RAI1: variants seen among roughly 807,000 people sequenced by gnomAD.
RAI1 encodes retinoic acid-induced protein 1.
Under a neutral mutation model 123.8 loss-of-function variants are expected in RAI1, and 9 were observed. The observed-to-expected ratio is 0.07, with a 90% confidence interval of 0.04 to 0.13. RAI1 has a LOEUF of 0.13. Among genes scored for constraint, RAI1 ranks in the 10% least tolerant of loss-of-function variants. The pLI is 1.00. For missense variants in RAI1, 2,256 were observed against 2,545.8 expected, an observed-to-expected ratio of 0.89 and a Z score of 2.45; for synonymous variants, 1,231 against 1,127.3, an observed-to-expected ratio of 1.09 and a Z score of -1.84.
chr17:17,714,506 G>A lies in RAI1; in HGVS notation c.-148-9522G>A, dbSNP rs188848086. Among the ~76,000 whole-genome samples, 4 of 152,306 alleles carry A rather than the reference G, an allele frequency of 2.6e-5. No individual in the cohort carries two copies. Among genetic ancestry groups the A allele is most frequent in the East Asian group, 1.9e-4 (1 of 5,184 alleles). ...GATAATCATCAGTGCTAACATTTAC[G>A]GAGGGCTTGTGGCGTGGCCAACTCT... On this transcript the variant is annotated intron_variant, in intron 1 of 5. Transcript: ENST00000353383. This position sits in a 1 kb window ranked among gnomAD's most constrained non-coding sequence, Gnocchi z 4.9.
intron 3 of RAI1, chr17:17,802,028 C>G (rs1226989421): frequency 6.4e-6 from 3 of 469,654 alleles, no homozygotes; most frequent in Non-Finnish European, 1.3e-5. Context: ...CTACCTCACC[C>G]CCCGCCCCCA....
chr17:17,735,353 C>CTT (rs554442849), intron 2 of RAI1, among the ~76,000 whole-genome samples: 96 of 132,442 alleles, frequency 7.2e-4, no homozygotes, highest in African/African-American at 2.4e-3. Flanking sequence ...AATGCCCAGC[C>CTT]TTTTTTTTTT....
At chr17:17,698,532 G>T (rs1915109987) in intron 1 of RAI1, among the ~76,000 whole-genome samples, 1 of 152,164 alleles carries the variant, frequency 6.6e-6, no homozygotes, top group Non-Finnish European at 1.5e-5. Flanking sequence ...CTTTCCTAAT[G>T]AGGCTGCTGA....
rs773411766 is a variant in RAI1 at position 17,796,564 on chromosome 17, C to T, written c.3616C>T (p.Pro1206Ser). 1 of 1,611,372 alleles carries T rather than the reference C, an allele frequency of 6.2e-7. No homozygotes were observed. Among genetic ancestry groups the T allele is most frequent in the Non-Finnish European group, 8.5e-7 (1 of 1,179,984 alleles). The change falls in exon 3 of 6, where the codon CCC (proline) becomes TCC (serine). Residue 1206 changes from proline to serine, a missense_variant. This residue lies in a region of RAI1 where 322 missense variants were observed against 358.0 expected (regional missense o/e 0.90). Coordinates refer to ENST00000353383, the MANE Select transcript of RAI1 (RefSeq NM_030665.4). The surrounding 1 kb of genome is among the most constrained non-coding windows in gnomAD (Gnocchi z 5.8). ...CAGGGTGAGCCAGCGGGCAAGGGTCCCCAAACCTGGTGCAGGCAGCAAGCT... is the reference window on the plus strand; with the variant it reads ...CAGGGTGAGCCAGCGGGCAAGGGTCTCCAAACCTGGTGCAGGCAGCAAGCT... ...EGRVSQRARV[P>S]KPGAGSKLSD...
intron 1 of RAI1, among the ~76,000 whole-genome samples, chr17:17,694,480 GA>G (rs903832809): frequency 1.2e-4 from 18 of 152,180 alleles, no homozygotes; most frequent in African/African-American, 4.3e-4. Context: ...GGGCCTCGAG[GA>G]AAGGCATAGG....
rs761326903 is a variant in RAI1 at position 17,796,288 on chromosome 17, G to A, written c.3340G>A (p.Ala1114Thr). The change falls in exon 3 of 6, where the codon GCC (alanine) becomes ACC (threonine). Residue 1114 changes from alanine (A) to threonine (T), a missense_variant. Ala to Thr is a moderately conservative substitution (Grantham distance 58). Around this residue, in one of 7 missense-constraint regions of RAI1, gnomAD observed 22 missense variants for 50.7 expected, o/e 0.43. Transcript: ENST00000353383. This position sits in a 1 kb window ranked among gnomAD's most constrained non-coding sequence, Gnocchi z 5.8. ...KAASSPSNPA[A>T]LPVASDSSPM... ...TGCCTCCAGCCCCAGCAACCCGGCC[G>A]CCCTGCCTGTGGCCTCCGACAGCAG... 2.5e-6 allele frequency: 4 copies of A among 1,601,398 alleles called. No individual in the cohort carries two copies. Among genetic ancestry groups the A allele is most frequent in the Admixed American group, 1.7e-5 (1 of 59,196 alleles).
chr17:17,711,156 G>A (rs1482765374), intron 1 of RAI1, among the ~76,000 whole-genome samples: 1 of 152,232 alleles, frequency 6.6e-6, no homozygotes, highest in Non-Finnish European at 1.5e-5. Flanking sequence ...TGAGAGGCTG[G>A]TGATAGGGGA....
intron 1 of RAI1, among the ~76,000 whole-genome samples, chr17:17,701,526 C>T (rs530447915): frequency 3.0e-4 from 46 of 152,240 alleles, no homozygotes; most frequent in Non-Finnish European, 6.2e-4. Context: ...ATAGACAGAC[C>T]GCTCATGCAG....
chr17:17,707,693 AGTG>A (rs1364130946), intron 1 of RAI1, among the ~76,000 whole-genome samples: 1 of 152,172 alleles, frequency 6.6e-6, no homozygotes, highest in Non-Finnish European at 1.5e-5. Context: ...CCCAGGCTCT[AGTG>A]GTCCTCCCAC....
chr17:17,771,129 A>T (rs2031141071), intron 2 of RAI1, among the ~76,000 whole-genome samples: 1 of 152,184 alleles, frequency 6.6e-6, no homozygotes, highest in Admixed American at 6.5e-5. Flanking sequence ...TGGCAGGGCC[A>T]TGCCCCTGAC....
At chr17:17,700,041 A>C (rs1013372570) in intron 1 of RAI1, among the ~76,000 whole-genome samples, 1 of 152,236 alleles carries the variant, frequency 6.6e-6, no homozygotes, top group South Asian at 2.1e-4. Context: ...TTAAGTGAGA[A>C]AATTTATGCT....
intron 1 of RAI1, among the ~76,000 whole-genome samples, chr17:17,706,569 C>T (rs1019762384): frequency 3.9e-5 from 6 of 152,180 alleles, no homozygotes; most frequent in Non-Finnish European, 5.9e-5. Context: ...CAGAGGGAGC[C>T]GGGGACTGGA....
At chr17:17,748,085 G>T (rs1284195853) in intron 2 of RAI1, among the ~76,000 whole-genome samples, 1 of 152,238 alleles carries the variant, frequency 6.6e-6, no homozygotes, top group Non-Finnish European at 1.5e-5. Flanking sequence ...TGGCCCCAGA[G>T]TCATGGCGGA....
At chr17:17,726,465 T>C (rs1449226483) in intron 2 of RAI1, among the ~76,000 whole-genome samples, 2 of 152,208 alleles carry the variant, frequency 1.3e-5, no homozygotes, top group Non-Finnish European at 2.9e-5. Flanking sequence ...ACAACCCCCT[T>C]ATTTATGGGG....
intron 1 of RAI1, among the ~76,000 whole-genome samples, chr17:17,718,429 G>A (rs1915777143): frequency 6.6e-6 from 1 of 152,188 alleles, no homozygotes; most frequent in Non-Finnish European, 1.5e-5. Context: ...AGTTTCACAT[G>A]GTAGCCCCAG....
rs398124416 is a variant in RAI1, at chr17:17,796,218, C to G, written c.3270C>G (p.Ala1090=). The G allele has an allele frequency of 7.7e-6, 12 of 1,560,640 alleles. No individual in the cohort carries two copies. Among genetic ancestry groups the G allele is most frequent in the Non-Finnish European group, 1.0e-5 (12 of 1,152,632 alleles). ...PPDKLGGKQR[A]AFKSGKRVGK... Reference sequence around the variant, plus strand: ...ACAAACTGGGGGGCAAGCAGCGAGCCGCCTTCAAGTCGGGCAAGCGGGTGG... The same window carrying G: ...ACAAACTGGGGGGCAAGCAGCGAGCGGCCTTCAAGTCGGGCAAGCGGGTGG... Residue 1090 remains alanine (A), a synonymous_variant, in exon 3 of 6, where the codon GCC becomes GCG. Coordinates refer to ENST00000353383, the MANE Select transcript of RAI1 (RefSeq NM_030665.4). This position sits in a 1 kb window ranked among gnomAD's most constrained non-coding sequence, Gnocchi z 5.8.
intron 2 of RAI1, among the ~76,000 whole-genome samples, chr17:17,741,964 A>G (rs144714969): frequency 6.6e-6 from 1 of 152,358 alleles, no homozygotes; most frequent in African/African-American, 2.4e-5. Context: ...AGGAAAGCAC[A>G]TTTCAGCTCT....
intron 2 of RAI1, among the ~76,000 whole-genome samples, chr17:17,732,052 C>T (rs759247340): frequency 2.6e-5 from 4 of 151,860 alleles, no homozygotes; most frequent in Non-Finnish European, 5.9e-5. Context: ...AGCTTCCTCT[C>T]GGTGAGGCCT....
rs1567818047 is a variant in RAI1, at chr17:17,685,092, T to C, written c.-149+3299T>C. 2 of 152,294 alleles carry C rather than the reference T, an allele frequency of 1.3e-5. No homozygotes were observed. The highest frequency in any genetic ancestry group is 1.9e-4 in the East Asian group (1 of 5,208). The allele number at this position is 152,294 out of a possible 1,614,324, so 9.4% of individuals were successfully genotyped here. ...GCTGTTCTATCTCCATGGCAGCCCA[T>C]GTTTGAAATGCATTGCTTTCCACAG... On this transcript the variant is annotated intron_variant, in intron 1 of 5. Transcript: ENST00000353383. This position sits in a 1 kb window ranked among gnomAD's most constrained non-coding sequence, Gnocchi z 4.0.
Sources: gnomAD v4.1 joint callset for allele counts (sites outside exome capture counted in the v4.1 genomes callset) on GRCh38, gnomAD v4.1.1 for gene constraint, gnomAD v4.1.1 regional missense constraint, Gnocchi (gnomAD v3.1) non-coding constraint, MANE v1.5 for transcripts, NCBI Gene and HGNC (gene_info 2026-07-23, HGNC 2026-07-21) for gene names.